The following CDC42SE2 variants were observed in gnomAD, a reference collection of about 807,000 sequenced individuals.
The protein encoded by CDC42SE2 is CDC42 small effector 2.
CDC42SE2 carries 3 observed loss-of-function variants against 11.5 expected under a neutral mutation model. The ratio of observed to expected loss-of-function variants is 0.26; its 90% CI spans 0.12 to 0.67. The LOEUF is 0.67. CDC42SE2 is among the 30% of genes least tolerant of loss of function. CDC42SE2 has a pLI of 0.80. For synonymous variants in CDC42SE2, 33 were observed against 34.8 expected (o/e 0.95, Z 0.18); for missense variants, 82 against 106.8 (o/e 0.77, Z 1.02).
chr5:131,254,762 T>C (rs1280625668), intron 1 of CDC42SE2, among the ~76,000 whole-genome samples: 2 of 152,218 alleles, frequency 1.3e-5, no homozygotes, highest in African/African-American at 4.8e-5. Context: ...CATGAATATA[T>C]AATCATCTAC....
intron 1 of CDC42SE2, among the ~76,000 whole-genome samples, chr5:131,313,847 A>T (rs1401364940): frequency 1.3e-5 from 2 of 152,036 alleles, no homozygotes; most frequent in African/African-American, 4.8e-5. Context: ...ATTTATTTTG[A>T]GGCAGAGTCT....
intron 1 of CDC42SE2, among the ~76,000 whole-genome samples, chr5:131,299,796 A>G (rs1005812731): frequency 1.3e-5 from 2 of 152,188 alleles, no homozygotes; most frequent in African/African-American, 4.8e-5. Flanking sequence ...AGAGTGAAAG[A>G]TGAGGGCATA....
chr5:131,314,242 T>TC (rs1757992606), intron 1 of CDC42SE2, among the ~76,000 whole-genome samples: 1 of 151,800 alleles, frequency 6.6e-6, no homozygotes, highest in African/African-American at 2.4e-5. Context: ...CCTTTTTTTT[T>TC]TTTTTTGGAG....
the CDC42SE2 span, among the ~76,000 whole-genome samples, chr5:131,216,501 CAAAA>C: frequency 7.4e-4 from 31 of 42,160 alleles, no homozygotes; most frequent in African/African-American, 2.8e-3. Context: ...GAACCTGTCT[CAAAA>C]AAAAAAAAAA....
chr5:131,351,394 A>T (rs746973417), intron 2 of CDC42SE2, among the ~76,000 whole-genome samples: 1 of 152,142 alleles, frequency 6.6e-6, no homozygotes, highest in Non-Finnish European at 1.5e-5. Context: ...AGCTGGGACT[A>T]CAGGTGCCTG....
intron 1 of CDC42SE2, among the ~76,000 whole-genome samples, chr5:131,281,172 A>G (rs1182586805): frequency 6.6e-6 from 1 of 152,066 alleles, no homozygotes; most frequent in Non-Finnish European, 1.5e-5. Context: ...CTTCATTTTT[A>G]TTGTTCTTAA....
chr5:131,212,529 C>G, the CDC42SE2 span, among the ~76,000 whole-genome samples: 1 of 152,122 alleles, frequency 6.6e-6, no homozygotes, highest in Admixed American at 6.5e-5. Flanking sequence ...ACTTACAGGT[C>G]CTAGCTTTAC....
intron 4 of CDC42SE2, among the ~76,000 whole-genome samples, chr5:131,390,035 C>G (rs1175116183): frequency 1.3e-5 from 2 of 152,106 alleles, no homozygotes; most frequent in Admixed American, 1.3e-4. Flanking sequence ...GAAAATATCC[C>G]AATTTTCATA....
chr5:131,314,233 C>CTTT (rs1186826623), intron 1 of CDC42SE2, among the ~76,000 whole-genome samples: 3 of 137,128 alleles, frequency 2.2e-5, no homozygotes, highest in Non-Finnish European at 3.2e-5. Flanking sequence ...AATGATTGTC[C>CTTT]TTTTTTTTTT....
chr5:131,300,832 A>C lies in CDC42SE2; in HGVS notation c.-454-15144A>C, dbSNP rs1757663171. Among the ~76,000 whole-genome samples, 7 of 152,304 alleles carry C rather than the reference A, an allele frequency of 4.6e-5. No homozygotes were observed. The South Asian group carries it at 1.4e-3, about 32-fold the overall frequency. ...TTAAAAATTGGCATAAATTGTGACT[A>C]TCACAAGCAAAGAAGGATGAATGGT... On this transcript the variant is annotated intron_variant, in intron 1 of 4. Transcript: ENST00000505065.
upstream of CDC42SE2, among the ~76,000 whole-genome samples, chr5:131,240,529 G>A (rs921257415): frequency 2.6e-5 from 4 of 152,160 alleles, no homozygotes; most frequent in Non-Finnish European, 4.4e-5. Flanking sequence ...ACACAAACGC[G>A]TCGGGGTATA....
intron 2 of CDC42SE2, among the ~76,000 whole-genome samples, chr5:131,334,174 G>C (rs536366222): frequency 6.6e-6 from 1 of 152,148 alleles, no homozygotes; most frequent in Non-Finnish European, 1.5e-5. Context: ...TTAGCATGAA[G>C]GGTTGTTGAA....
Position 131,359,542 on chromosome 5 carries a change from C to T in CDC42SE2, c.49C>T (p.Gln17Ter). The change falls in exon 3 of 5, where the codon CAG (glutamine) becomes TAG (stop). Residue 17 changes from glutamine to a stop codon, truncating the protein, a stop_gained. Transcript: ENST00000505065. LOFTEE classifies it high-confidence loss of function. ...CFNCCIAEQP[Q>*]PKRRRRIDRS... Reference sequence around the variant, plus strand: ...CAACTGCTGTATTGCAGAACAGCCTCAGCCTGTAAGTATGAAGTATGTGGA... The same window carrying T: ...CAACTGCTGTATTGCAGAACAGCCTTAGCCTGTAAGTATGAAGTATGTGGA... The T allele has an allele frequency of 6.2e-7, 1 of 1,611,514 alleles. No individual in the cohort carries two copies. The highest frequency in any genetic ancestry group is 8.5e-7 in the Non-Finnish European group (1 of 1,177,652).
intron 1 of CDC42SE2, chr5:131,245,654 T>C (rs1032781626): frequency 3.9e-5 from 6 of 152,202 alleles, no homozygotes; most frequent in African/African-American, 7.2e-5. Flanking sequence ...CTCCTGCATA[T>C]TAGAATCACC....
At chr5:131,257,779 C>A (rs1756690262) in intron 2 of CDC42SE2, among the ~76,000 whole-genome samples, 3 of 152,044 alleles carry the variant, frequency 2.0e-5, no homozygotes, top group Admixed American at 2.0e-4. Context: ...CGCTCGGCCC[C>A]ACCTGCTAAA....
At chr5:131,268,833 C>T (rs1756930102) in intron 1 of CDC42SE2, among the ~76,000 whole-genome samples, 1 of 149,344 alleles carries the variant, frequency 6.7e-6, no homozygotes, top group Non-Finnish European at 1.5e-5. Context: ...TTACTGCAAC[C>T]TCTGCCTCCT....
chr5:131,336,115 C>T (rs1312262635), intron 2 of CDC42SE2, among the ~76,000 whole-genome samples: 3 of 152,140 alleles, frequency 2.0e-5, no homozygotes, highest in Non-Finnish European at 4.4e-5. Context: ...ACCAGTTGTT[C>T]CTTTCCATGT....
intron 2 of CDC42SE2, among the ~76,000 whole-genome samples, chr5:131,332,526 C>G (rs1758443479): frequency 6.6e-6 from 1 of 152,000 alleles, no homozygotes; most frequent in Non-Finnish European, 1.5e-5. Flanking sequence ...AGTTCTAGAT[C>G]CCTGAGGAAT....
chr5:131,354,601 T>C (rs1008043732), intron 2 of CDC42SE2: 20 of 152,244 alleles, frequency 1.3e-4, no homozygotes, highest in Non-Finnish European at 2.5e-4. Flanking sequence ...TCATTTTGTT[T>C]TGTGTAAAAC....
Sources: gnomAD v4.1 joint callset for allele counts (sites outside exome capture counted in the v4.1 genomes callset) on GRCh38, gnomAD v4.1.1 for gene constraint, MANE v1.5 for transcripts, NCBI Gene and HGNC (gene_info 2026-07-23, HGNC 2026-07-21) for gene names.